The following ALDH6A1 variants were observed in gnomAD, a reference collection of about 807,000 sequenced individuals.
ALDH6A1 encodes the protein aldehyde dehydrogenase 6 family member A1, also known as methylmalonate-semialdehyde/malonate-semialdehyde dehydrogenase [acylating], mitochondrial.
A neutral mutation model predicts 62.6 loss-of-function variants in ALDH6A1; 43 were observed. That is an observed-to-expected ratio of 0.69 (90% confidence interval 0.54 to 0.89). The LOEUF (loss-of-function observed/expected upper bound fraction) is 0.89. Ranked by LOEUF, ALDH6A1 falls within the 40% of genes least tolerant of loss-of-function variation. ALDH6A1 has a pLI of 0.00. For missense variants in ALDH6A1, 551 were observed against 661.3 expected (o/e 0.83, Z 1.83); for synonymous variants, 194 against 234.2 (o/e 0.83, Z 1.57).
Position 74,079,239 on chromosome 14 carries a change from G to A in ALDH6A1, c.49-4222C>T, listed in dbSNP as rs547804783. Among the ~76,000 whole-genome samples, 12 of 151,646 alleles carry A rather than the reference G, an allele frequency of 7.9e-5. 1 individual carries two copies. The highest frequency in any genetic ancestry group is 2.9e-4 in the African/African-American group (12 of 41,038). ...CGCCTGTAATCCCAGCACTTTGGGA[G>A]GCTGAGGTGGGAAGATCACTTGCGT... On this transcript the variant is annotated intron_variant, in intron 1 of 11. Transcript: ENST00000553458.
In ALDH6A1 at chr14:74,060,761, A is replaced by G; in HGVS notation, c.1504-15T>C. Reference sequence around the variant, plus strand: ...AATTGGATGCCCTAAGGAAAACAGAAAAAAAGTTAGCATATATTTCTGGGG... The same window carrying G: ...AATTGGATGCCCTAAGGAAAACAGAGAAAAAGTTAGCATATATTTCTGGGG... On this transcript the variant is annotated splice_polypyrimidine_tract_variant and intron_variant, in intron 11 of 11. Transcript: ENST00000553458. 1 of 1,563,448 alleles carries G rather than the reference A, an allele frequency of 6.4e-7. No homozygotes were observed. Among genetic ancestry groups the G allele is most frequent in the Non-Finnish European group, 8.8e-7 (1 of 1,133,904 alleles).
In ALDH6A1 at chr14:74,057,005, T is replaced by C. The variant is rs1341693441; in HGVS notation, c.*3637A>G. ...GGTAAGAGCTCTCTTGCTTAAGTAA[T>C]AAACATGAGCCCAACACGATGGTTC... is the stretch of plus-strand genomic sequence containing the variant. On this transcript the variant is annotated 3_prime_UTR_variant, in exon 12 of 12. Coordinates refer to ENST00000553458, the MANE Select transcript of ALDH6A1 (RefSeq NM_005589.4). The C allele has an allele frequency of 6.2e-7, 1 of 1,601,402 alleles. No individual in the cohort carries two copies. Among genetic ancestry groups the C allele is most frequent in the East Asian group, 2.2e-5 (1 of 44,810 alleles).
chr14:74,069,098 T>TTTA, intron 6 of ALDH6A1, 117 bp from the exon 7 acceptor site: 79 of 1,030,770 alleles, frequency 7.7e-5, no homozygotes, highest in Non-Finnish European at 9.9e-5. Flanking sequence ...TCTTTTACTT[T>TTTA]TTCTTTTTTT....
Position 74,063,744 on chromosome 14 carries a change from TA to T in ALDH6A1, c.1503+1077del, listed in dbSNP as rs535197521. On this transcript the variant is annotated intron_variant, in intron 11 of 11. Transcript: ENST00000553458. ...AGCCAAGTGTGGTGGTGGGCATCTG[TA>T]ATCCCAGCTACTTGGGAGGCTGAGG... Among the ~76,000 whole-genome samples, 15 of 151,180 alleles carry T rather than the reference TA, an allele frequency of 9.9e-5. No individual in the cohort carries two copies. In the East Asian group the frequency reaches 3.0e-3, roughly 30 times the overall value.
At chr14:74,073,629 G>A (rs1342557627) in intron 2 of ALDH6A1, among the ~76,000 whole-genome samples, 1 of 151,786 alleles carries the variant, frequency 6.6e-6, no homozygotes, top group Non-Finnish European at 1.5e-5. Flanking sequence ...ATGATCAAAA[G>A]ATTTTTGGCT....
intron 1 of ALDH6A1, among the ~76,000 whole-genome samples, chr14:74,077,552 G>C (rs939056253): frequency 1.3e-5 from 2 of 152,088 alleles, no homozygotes; most frequent in Admixed American, 6.6e-5. Flanking sequence ...GGCAAAACTG[G>C]GGGGGTATCC....
At chr14:74,076,274 T>G (rs556243416) in intron 1 of ALDH6A1, among the ~76,000 whole-genome samples, 4 of 152,332 alleles carry the variant, frequency 2.6e-5, no homozygotes, top group African/African-American at 9.6e-5. Context: ...AGATAATATT[T>G]GATGGAGTAA....
intron 4 of ALDH6A1, 53 bp downstream of exon 4, chr14:74,072,150 A>G: frequency 6.2e-7 from 1 of 1,613,240 alleles, no homozygotes; most frequent in Non-Finnish European, 8.5e-7. Flanking sequence ...TGTGAGAGTG[A>G]CAAACATGCC....
rs1210617608 is a variant in ALDH6A1 at position 74,065,254 on chromosome 14, C to T, written c.1331G>A (p.Gly444Glu). ...GGTGGTGAAGATGGCAGTTCCATTT[C>T]CATATGGGTTGTTATTTACAATCTG... ...AIQIVNNNPY[G>E]NGTAIFTTNG... is the part of the protein sequence containing the mutation. The change falls in exon 10 of 12, where the codon GGA becomes GAA. Residue 444 changes from glycine to glutamate, a missense_variant. By Grantham distance (98) the Gly-to-Glu change is moderately conservative. Transcript: ENST00000553458. The T allele has an allele frequency of 1.2e-6, 2 of 1,614,118 alleles. No individual in the cohort carries two copies. Among genetic ancestry groups the T allele is most frequent in the Non-Finnish European group, 1.7e-6 (2 of 1,180,012 alleles).
At chr14:74,067,988 G>C (rs958446493) in intron 7 of ALDH6A1, among the ~76,000 whole-genome samples, 2 of 114,346 alleles carry the variant, frequency 1.7e-5, no homozygotes, top group Non-Finnish European at 3.4e-5. Context: ...GTTATATGAA[G>C]AGCAATGTTA....
Position 74,074,980 on chromosome 14 carries a change from G to A in ALDH6A1, c.86C>T (p.Ser29Leu). 2 of 1,614,060 alleles carry A rather than the reference G, an allele frequency of 1.2e-6. No individual in the cohort carries two copies. Among genetic ancestry groups the A allele is most frequent in the Non-Finnish European group, 1.7e-6 (2 of 1,179,956 alleles). ...SKVKSSPTWYSASSFSSSVPT... is the reference protein window; with the variant it reads ...SKVKSSPTWYLASSFSSSVPT... ...CACTGAAGAAGAGAAGGAAGATGCT[G>A]AATACCAGGTGGGACTGGATTTCAC... Residue 29 changes from serine (S) to leucine (L), a missense_variant, in exon 2 of 12, where the codon TCA becomes TTA. Physicochemically the swap from Ser to Leu is moderately radical, Grantham distance 145. Transcript: ENST00000553458.
Position 74,067,417 on chromosome 14 carries a change from C to T in ALDH6A1, c.1005G>A (p.Glu335=). 6.2e-7 allele frequency: 1 copy of T among 1,613,988 alleles called. No homozygotes were observed. Among genetic ancestry groups the T allele is most frequent in the Non-Finnish European group, 8.5e-7 (1 of 1,180,042 alleles). ...LVGEAKKWLP[E]LVEHAKNLRV... ...TCAGGTTTTTGGCATGCTCCACCAG[C>T]TCTGGCAGCCACTTCTTGGCTTCTC... Residue 335 remains glutamate, a synonymous_variant, in exon 8 of 12, where the codon GAG becomes GAA. Coordinates refer to ENST00000553458, the MANE Select transcript of ALDH6A1 (RefSeq NM_005589.4).
At chr14:74,065,475 C>G in intron 9 of ALDH6A1, 115 bp from the exon 10 acceptor site, 1 of 951,444 alleles carries the variant, frequency 1.1e-6, no homozygotes, top group Non-Finnish European at 1.6e-6. Flanking sequence ...TTTCATATTA[C>G]TAATCTCTTT....
intron 1 of ALDH6A1, among the ~76,000 whole-genome samples, chr14:74,075,717 T>C (rs2060605921): frequency 6.6e-6 from 1 of 152,040 alleles, no homozygotes; most frequent in Admixed American, 6.6e-5. Context: ...AATGTAAATA[T>C]AAATCAAAAT....
intron 5 of ALDH6A1, 92 bp from the exon 6 acceptor site, chr14:74,071,589 C>A: frequency 6.2e-7 from 1 of 1,606,168 alleles, no homozygotes; most frequent in South Asian, 1.1e-5. Context: ...GGAAGTGGTT[C>A]AGGCCAATGA....
chr14:74,065,584 A>C (rs185475370), intron 9 of ALDH6A1: 52 of 546,210 alleles, frequency 9.5e-5, no homozygotes, highest in African/African-American at 8.9e-4. Flanking sequence ...CCTATCAACA[A>C]TAACCACACT....
Position 74,057,013 on chromosome 14 carries a change from A to G in ALDH6A1, c.*3629T>C. On this transcript the variant is annotated 3_prime_UTR_variant, in exon 12 of 12. Coordinates refer to ENST00000553458, the MANE Select transcript of ALDH6A1 (RefSeq NM_005589.4). ...CTCTCTTGCTTAAGTAATAAACATG[A>G]GCCCAACACGATGGTTCTTGTGGGC... 6.3e-7 allele frequency: 1 copy of G among 1,594,410 alleles called. No individual in the cohort carries two copies. The highest frequency in any genetic ancestry group is 1.3e-5 in the African/African-American group (1 of 74,358).
At position 74,060,316 on chromosome 14, in the gene ALDH6A1, A is replaced by G. The variant is rs1301113744; in HGVS notation, c.*326T>C. The G allele has an allele frequency of 3.2e-6, 1 of 315,852 alleles. No individual in the cohort carries two copies. The highest frequency in any genetic ancestry group is 3.2e-5 in the South Asian group (1 of 30,924). 19.6% of individuals were successfully genotyped at this position (315,852 alleles called of 1,614,324 possible). A position where few individuals can be genotyped will look rare whatever the true frequency, so the allele number is the denominator to read the frequency against. ...CGCCTGGCTGGAACATTTTCTTTACATACACTGGCTTTTCTCCCCTTCAAA... is the reference window on the plus strand; with the variant it reads ...CGCCTGGCTGGAACATTTTCTTTACGTACACTGGCTTTTCTCCCCTTCAAA... On this transcript the variant is annotated 3_prime_UTR_variant, in exon 12 of 12. Transcript: ENST00000553458.
In ALDH6A1 at chr14:74,060,589, C is replaced by CA; in HGVS notation, c.*52dup. ...AGCAAAGCTGACAAATGAAGCTGGT[C>CA]AAAAATAAAGGGAGATTACTCAGGA... On this transcript the variant is annotated 3_prime_UTR_variant, in exon 12 of 12. Coordinates refer to ENST00000553458, the MANE Select transcript of ALDH6A1 (RefSeq NM_005589.4). 7.7e-7 allele frequency: 1 copy of CA among 1,297,026 alleles called. No homozygotes were observed. The highest frequency in any genetic ancestry group is 1.1e-6 in the Non-Finnish European group (1 of 891,054). 80.3% of individuals were successfully genotyped at this position (1,297,026 alleles called of 1,614,324 possible). A position where few individuals can be genotyped will look rare whatever the true frequency, so the allele number is the denominator to read the frequency against.
Sources: allele counts gnomAD v4.1 joint callset (sites outside exome capture counted in the v4.1 genomes callset), GRCh38; gene constraint gnomAD v4.1.1; transcripts MANE v1.5; gene names NCBI Gene and HGNC (gene_info 2026-07-23, HGNC 2026-07-21).